Variants in CASK observed in about 807,000 individuals in gnomAD.
CASK encodes peripheral plasma membrane protein CASK.
CASK carries 4 observed loss-of-function variants against 82.9 expected under a neutral mutation model. That is an observed-to-expected ratio of 0.05 (90% CI 0.02 to 0.11). The LOEUF (loss-of-function observed/expected upper bound fraction) is 0.11. Ranked by LOEUF, CASK falls within the 10% of genes least tolerant of loss-of-function variation. The pLI, the probability that CASK is intolerant of heterozygous loss-of-function variation, is 1.00. For synonymous variants in CASK, 259 were observed against 253.5 expected, an observed-to-expected ratio of 1.02 and a Z score of -0.20; for missense variants, 358 against 720.9, an observed-to-expected ratio of 0.50 and a Z score of 5.76.
intron 5 of CASK, chrX:41,727,985 T>C (rs1036998122): frequency 1.7e-6 from 2 of 1,147,714 alleles, no homozygotes; most frequent in African/African-American, 1.8e-5. Context: ...AAGAAGACAC[T>C]ATATAATCTC....
At chrX:41,806,897 G>A (rs181039762) in intron 2 of CASK, among the ~76,000 whole-genome samples, 113 of 110,818 alleles carry the variant, frequency 1.0e-3, no homozygotes, top group African/African-American at 3.5e-3. Flanking sequence ...AAGGAGGGTG[G>A]GAACAGGGAT....
chrX:41,857,102 G>A (rs2071386988), intron 1 of CASK, among the ~76,000 whole-genome samples: 3 of 111,029 alleles, frequency 2.7e-5, no homozygotes, highest in Admixed American at 9.6e-5. Flanking sequence ...AAGTCAACAC[G>A]TTCCACCTGC....
At chrX:41,885,881 C>T (rs1202151237) in intron 1 of CASK, among the ~76,000 whole-genome samples, 1 of 111,905 alleles carries the variant, frequency 8.9e-6, no homozygotes, top group Non-Finnish European at 1.9e-5. Context: ...TTTTACTCTA[C>T]TGGGTTAATA....
intron 8 of CASK, among the ~76,000 whole-genome samples, chrX:41,655,954 A>G (rs1200523591): frequency 1.8e-5 from 2 of 111,533 alleles, no homozygotes; most frequent in African/African-American, 3.3e-5. Flanking sequence ...AACCTGGCCT[A>G]TTTATTAAAG....
At chrX:41,692,492 T>C (rs2067589315) in intron 5 of CASK, among the ~76,000 whole-genome samples, 1 of 112,584 alleles carries the variant, frequency 8.9e-6, no homozygotes. Context: ...TAGAAAAAAA[T>C]GATTTCCTTA....
intron 1 of CASK, among the ~76,000 whole-genome samples, chrX:41,857,416 G>C (rs1421290035): frequency 3.6e-5 from 4 of 110,978 alleles, no homozygotes; most frequent in Non-Finnish European, 3.8e-5. Flanking sequence ...AACAACCAAG[G>C]CTCCTAAGAC....
At chrX:41,750,725 T>C (rs1378184193) in intron 3 of CASK, among the ~76,000 whole-genome samples, 2 of 112,261 alleles carry the variant, frequency 1.8e-5, no homozygotes, top group Non-Finnish European at 3.8e-5. Flanking sequence ...ACTCATCAAA[T>C]AAACAAAACA....
intron 4 of CASK, among the ~76,000 whole-genome samples, chrX:41,742,561 T>C (rs1314117176): frequency 8.9e-6 from 1 of 112,021 alleles, no homozygotes; most frequent in Non-Finnish European, 1.9e-5. Flanking sequence ...TGCCATGCTT[T>C]GCTGCTCCTC....
chrX:41,750,177 TCTA>T (rs2068763482), intron 3 of CASK, among the ~76,000 whole-genome samples: 1 of 112,030 alleles, frequency 8.9e-6, no homozygotes, highest in East Asian at 2.8e-4. Context: ...AAAGAAGCAA[TCTA>T]CTAATTTTAA....
At chrX:41,672,260 G>T (rs947388548) in intron 5 of CASK, among the ~76,000 whole-genome samples, 5 of 110,707 alleles carry the variant, frequency 4.5e-5, no homozygotes, top group Non-Finnish European at 9.5e-5. Flanking sequence ...CTTGACCAGG[G>T]CTCCTTTATA....
chrX:41,549,890 TG>T (rs2065072589), intron 21 of CASK, among the ~76,000 whole-genome samples: 1 of 109,982 alleles, frequency 9.1e-6, no homozygotes, highest in African/African-American at 3.3e-5. Flanking sequence ...GGTGCTGCGG[TG>T]GCTCACACCT....
At chrX:41,696,622 T>A in intron 5 of CASK, 1 of 1,211,284 alleles carries the variant, frequency 8.3e-7, no homozygotes, top group Non-Finnish European at 1.1e-6. Flanking sequence ...TATTTCCTGA[T>A]GTCCAGTAAC....
intron 2 of CASK, among the ~76,000 whole-genome samples, chrX:41,807,703 C>T (rs1039624735): frequency 9.0e-6 from 1 of 110,856 alleles, no homozygotes; most frequent in Non-Finnish European, 1.9e-5. Flanking sequence ...AGAAGGGCAA[C>T]CAAGCACAAG....
At chrX:41,820,825 C>T (rs1179786645) in intron 2 of CASK, among the ~76,000 whole-genome samples, 1 of 110,978 alleles carries the variant, frequency 9.0e-6, no homozygotes, top group Non-Finnish European at 1.9e-5. Flanking sequence ...AATAGACCAA[C>T]ACATTATTTT....
intron 1 of CASK, among the ~76,000 whole-genome samples, chrX:41,871,860 C>G (rs1364960005): frequency 8.9e-6 from 1 of 112,351 alleles, no homozygotes; most frequent in African/African-American, 3.2e-5. Context: ...AAACCATGTA[C>G]TTCTGTCCCT....
At chrX:41,568,824 C>A (rs2065361585) in intron 16 of CASK, among the ~76,000 whole-genome samples, 1 of 111,353 alleles carries the variant, frequency 9.0e-6, no homozygotes, top group South Asian at 3.8e-4. Context: ...ATGGTAAAAG[C>A]CCATCTCTAC....
chrX:41,853,082 C>T, intron 2 of CASK, 33 bp downstream of exon 2: 1 of 938,424 alleles, frequency 1.1e-6, no homozygotes, highest in Admixed American at 2.2e-5. Flanking sequence ...TAAAGCCAGA[C>T]ATCAAATAAC....
intron 1 of CASK, among the ~76,000 whole-genome samples, chrX:41,856,706 G>C (rs1379644507): frequency 9.5e-6 from 1 of 104,954 alleles, no homozygotes; most frequent in African/African-American, 3.5e-5. Flanking sequence ...TGAGGCAGGA[G>C]AATGGTATGA....
intron 5 of CASK, among the ~76,000 whole-genome samples, chrX:41,694,153 G>A (rs1264015665): frequency 2.7e-5 from 3 of 112,393 alleles, no homozygotes; most frequent in East Asian, 5.5e-4. Context: ...ATCAAAAGGT[G>A]TTTATTAAAG....
Sources: allele counts gnomAD v4.1 joint callset (sites outside exome capture counted in the v4.1 genomes callset), GRCh38; gene constraint gnomAD v4.1.1; transcripts MANE v1.5; gene names NCBI Gene and HGNC (gene_info 2026-07-23, HGNC 2026-07-21).